CCDC158: variants seen among roughly 807,000 people sequenced by gnomAD.
CCDC158 encodes coiled-coil domain containing 158, also known as coiled-coil domain-containing protein 158.
CCDC158 carries 116 observed loss-of-function variants against 138.6 expected under a neutral mutation model. The ratio of observed to expected loss-of-function variants is 0.84; its 90% CI spans 0.72 to 0.98. The LOEUF (loss-of-function observed/expected upper bound fraction) is 0.98. Among genes scored for constraint, CCDC158 ranks in the 50% least tolerant of loss-of-function variants. CCDC158 has a pLI of 0.00. For missense variants in CCDC158, 1,265 were observed against 1,306.1 expected (o/e 0.97, Z 0.48); for synonymous variants, 436 against 442.4 (o/e 0.99, Z 0.18).
intron 4 of CCDC158, among the ~76,000 whole-genome samples, chr4:76,388,154 T>C (rs1179302790): frequency 6.6e-6 from 1 of 152,154 alleles, no homozygotes; most frequent in African/African-American, 2.4e-5. Context: ...TTCCCAGCTA[T>C]GGTGGCTACA....
intron 8 of CCDC158, among the ~76,000 whole-genome samples, chr4:76,380,941 G>T (rs558619757): frequency 6.6e-6 from 1 of 152,356 alleles, no homozygotes; most frequent in Admixed American, 6.5e-5. Context: ...GCTTCAAAGG[G>T]TGCAAGCCCC....
chr4:76,316,128 C>A (rs1361575674), intron 24 of CCDC158, among the ~76,000 whole-genome samples: 1 of 152,070 alleles, frequency 6.6e-6, no homozygotes, highest in Non-Finnish European at 1.5e-5. Flanking sequence ...TTTGAATTGC[C>A]AGATGAAGAA....
chr4:76,363,172 T>C (rs1724318536), intron 12 of CCDC158, among the ~76,000 whole-genome samples: 1 of 152,118 alleles, frequency 6.6e-6, no homozygotes, highest in Non-Finnish European at 1.5e-5. Flanking sequence ...ACCTGCCAGG[T>C]AGAGGGGCCT....
At chr4:76,418,099 G>A (rs28502858) in intron 1 of CCDC158, among the ~76,000 whole-genome samples, 3,800 of 152,258 alleles carry the variant, frequency 0.025, 149 homozygotes, top group African/African-American at 0.086. Context: ...TAAACGCAAC[G>A]CAAAGCACTG....
intron 18 of CCDC158, among the ~76,000 whole-genome samples, chr4:76,348,480 G>T (rs894485109): frequency 2.7e-5 from 4 of 149,368 alleles, no homozygotes; most frequent in African/African-American, 9.8e-5. Context: ...CCATTTGTAA[G>T]GGCAGAGCCC....
intron 13 of CCDC158, among the ~76,000 whole-genome samples, chr4:76,360,977 T>A (rs1233441038): frequency 6.6e-6 from 1 of 152,122 alleles, no homozygotes; most frequent in Non-Finnish European, 1.5e-5. Context: ...CTGTTGTAAT[T>A]CCCAGTGTTG....
chr4:76,361,194 T>G (rs748741849), intron 13 of CCDC158, among the ~76,000 whole-genome samples: 53 of 152,174 alleles, frequency 3.5e-4, no homozygotes, highest in South Asian at 6.2e-4. Context: ...ATTTTAAGTT[T>G]CCTGAGGCCT....
Position 76,408,836 on chromosome 4 carries a change from T to C in CCDC158, c.-74+3254A>G, listed in dbSNP as rs1729054751. 2.0e-5 allele frequency among the ~76,000 whole-genome samples: 3 copies of C among 152,196 alleles called. No homozygotes were observed. The South Asian group carries it at 6.2e-4, about 32-fold the overall frequency. On this transcript the variant is annotated intron_variant, in intron 2 of 24. Transcript: ENST00000682701. ...AAAGTGTTCCTATTTCTCCACATCC[T>C]CTCCAGCACCTGTTGTTTCCTGACT... is the stretch of plus-strand genomic sequence containing the variant.
chr4:76,325,834 C>A (rs146362233), intron 23 of CCDC158, 23 bp downstream of exon 23: 1 of 1,593,464 alleles, frequency 6.3e-7, no homozygotes, highest in Admixed American at 1.8e-5. Flanking sequence ...TTAATCACGT[C>A]AATGATATCA....
intron 9 of CCDC158, chr4:76,375,342 C>T (rs912978108): frequency 7.1e-5 from 30 of 423,290 alleles, no homozygotes; most frequent in Non-Finnish European, 1.2e-4. Context: ...TCAAATCACA[C>T]GAGGTTTGGT....
chr4:76,350,756 C>G (rs1301286916), intron 18 of CCDC158, among the ~76,000 whole-genome samples: 2 of 152,064 alleles, frequency 1.3e-5, no homozygotes, highest in Non-Finnish European at 2.9e-5. Flanking sequence ...GCTTTGTAAT[C>G]TGGAAATTCT....
intron 22 of CCDC158, among the ~76,000 whole-genome samples, chr4:76,327,858 T>G (rs535069003): frequency 6.6e-6 from 1 of 152,232 alleles, no homozygotes; most frequent in Non-Finnish European, 1.5e-5. Flanking sequence ...AGTTTCATTC[T>G]TTCTCATTTA....
At chr4:76,400,496 A>G (rs1390203423) in intron 3 of CCDC158, among the ~76,000 whole-genome samples, 1 of 151,912 alleles carries the variant, frequency 6.6e-6, no homozygotes, top group Non-Finnish European at 1.5e-5. Context: ...TGGCACATGT[A>G]TACATATGTA....
rs202223106 is a variant in CCDC158 at position 76,323,412 on chromosome 4, A to G, written c.3170-3T>C. ...TTCTATTGGCGGAGACTGTGAATCT[A>G]TTAGAAAATTGCTTAGATGTGATAT... On this transcript the variant is annotated splice_region_variant and splice_polypyrimidine_tract_variant and intron_variant, in intron 23 of 24. Transcript: ENST00000682701. 166 of 1,603,444 alleles carry G rather than the reference A, an allele frequency of 1.0e-4. No individual in the cohort carries two copies. The highest frequency in any genetic ancestry group is 1.4e-4 in the Non-Finnish European group (162 of 1,173,852).
rs773988573 is a variant in CCDC158, at chr4:76,367,730, G to A, written c.1394C>T (p.Ser465Phe). The change falls in exon 12 of 25, where the codon TCC becomes TTC. Residue 465 changes from serine to phenylalanine, a missense_variant. Ser to Phe is a radical substitution (Grantham distance 155, BLOSUM62 -2). Coordinates refer to ENST00000682701, the MANE Select transcript of CCDC158 (RefSeq NM_001394954.1). ...GKNESLEKVS[S>F]LTAQLESTKE... ...GGTGGATTCAAGCTGAGCAGTCAAG[G>A]AGGATACTTTTTCTAGACTTTCATT... The A allele has an allele frequency of 2.5e-6, 4 of 1,609,472 alleles. No homozygotes were observed. The highest frequency in any genetic ancestry group is 2.2e-5 in the South Asian group (2 of 90,124).
intron 24 of CCDC158, among the ~76,000 whole-genome samples, chr4:76,318,460 G>GA (rs941503903): frequency 4.6e-5 from 7 of 151,092 alleles, no homozygotes; most frequent in Non-Finnish European, 8.8e-5. Flanking sequence ...ATTAAGCTAG[G>GA]AAAAAAAACA....
intron 11 of CCDC158, among the ~76,000 whole-genome samples, chr4:76,368,254 C>T (rs577873105): frequency 4.3e-4 from 65 of 151,988 alleles, no homozygotes; most frequent in African/African-American, 1.5e-3. Flanking sequence ...GGAAGGGTGG[C>T]GGAATTTACA....
intron 24 of CCDC158, among the ~76,000 whole-genome samples, chr4:76,313,882 T>C (rs975819986): frequency 6.6e-6 from 1 of 152,250 alleles, no homozygotes; most frequent in South Asian, 2.1e-4. Flanking sequence ...CCAGTTCAGC[T>C]TATGTTTTGT....
At chr4:76,314,830 C>T in intron 24 of CCDC158, among the ~76,000 whole-genome samples, 1 of 152,166 alleles carries the variant, frequency 6.6e-6, no homozygotes, top group East Asian at 1.9e-4. Context: ...GTGAAAGAAG[C>T]TTCCAACTGA....
Sources: allele counts gnomAD v4.1 joint callset (sites outside exome capture counted in the v4.1 genomes callset), GRCh38; gene constraint gnomAD v4.1.1; transcripts MANE v1.5; gene names NCBI Gene and HGNC (gene_info 2026-07-23, HGNC 2026-07-21).